The following TMEM278 variants were observed in gnomAD, a reference collection of about 807,000 sequenced individuals.
TMEM278 encodes transmembrane protein 88B.
the TMEM278 span, chr1:1,427,889 C>G: frequency 2.0e-5 from 23 of 1,146,554 alleles, no homozygotes; most frequent in Non-Finnish European, 2.6e-5. Context: ...CTGCCCCTTC[C>G]TGGCTGGGCG....
the TMEM278 span, among the ~76,000 whole-genome samples, chr1:1,426,999 C>A: frequency 3.3e-5 from 5 of 151,260 alleles, no homozygotes; most frequent in Admixed American, 2.0e-4. Flanking sequence ...ACTGCCTGGC[C>A]CACAGCGGCC....
chr1:1,429,461 C>CT, the TMEM278 span, among the ~76,000 whole-genome samples: 1 of 151,944 alleles, frequency 6.6e-6, no homozygotes, highest in Non-Finnish European at 1.5e-5. Flanking sequence ...ACAGTTTCCA[C>CT]TTCTTAAACA....
the TMEM278 span, chr1:1,426,198 T>C: frequency 7.1e-7 from 1 of 1,416,230 alleles, no homozygotes; most frequent in South Asian, 1.5e-5. Flanking sequence ...GCGCCCATGC[T>C]GCCCCGGGGA....
the TMEM278 span, chr1:1,427,719 G>A: frequency 9.0e-5 from 118 of 1,317,230 alleles, no homozygotes; most frequent in Non-Finnish European, 1.7e-5. Flanking sequence ...TCCGCCCGCT[G>A]GGACCCCCGG....
the TMEM278 span, among the ~76,000 whole-genome samples, chr1:1,428,492 C>T: frequency 1.2e-4 from 18 of 152,128 alleles, no homozygotes; most frequent in African/African-American, 2.4e-4. Flanking sequence ...GTCTCACCAG[C>T]GCGTCCTAGC....
chr1:1,427,223 GCTCT>G, the TMEM278 span, among the ~76,000 whole-genome samples: 3 of 106,968 alleles, frequency 2.8e-5, no homozygotes, highest in African/African-American at 1.1e-4. Flanking sequence ...CCTCCACCCC[GCTCT>G]CTCTCCCCTC....
chr1:1,426,386 G>A, the TMEM278 span: 1 of 1,395,134 alleles, frequency 7.2e-7, no homozygotes, highest in Non-Finnish European at 9.3e-7. Context: ...CCACTCGAGG[G>A]TGAGCCTGTG....
the TMEM278 span, among the ~76,000 whole-genome samples, chr1:1,428,131 A>C: frequency 1.7e-5 from 1 of 60,344 alleles, no homozygotes; most frequent in African/African-American, 7.6e-5. Flanking sequence ...AGGGGAGGGG[A>C]GGGGAGGGGA....
chr1:1,427,857 G>T, the TMEM278 span: 4 of 1,286,160 alleles, frequency 3.1e-6, no homozygotes, highest in East Asian at 1.4e-4. Context: ...GGCCCGGCCC[G>T]GAAAACTGAG....
At chr1:1,426,160 G>A in the TMEM278 span, 33 of 1,414,888 alleles carry the variant, frequency 2.3e-5, no homozygotes, top group South Asian at 4.5e-4. Context: ...CGGAGGAGGA[G>A]GAGGGGGGAG....
chr1:1,426,473 G>C, the TMEM278 span: 8 of 1,146,458 alleles, frequency 7.0e-6, no homozygotes, highest in South Asian at 6.7e-5. Flanking sequence ...CCCCCTTCCA[G>C]AATTGCCCCT....
the TMEM278 span, among the ~76,000 whole-genome samples, chr1:1,426,675 C>T: frequency 3.3e-5 from 5 of 152,068 alleles, no homozygotes; most frequent in Non-Finnish European, 5.9e-5. Flanking sequence ...AACGGGGTTC[C>T]AGGAAAAGAA....
At chr1:1,426,108 A>T in the TMEM278 span, 10 of 1,373,516 alleles carry the variant, frequency 7.3e-6, no homozygotes, top group Non-Finnish European at 9.5e-6. Context: ...CCCGGGCCAC[A>T]GGCCTGCAGT....
chr1:1,426,879 G>A, the TMEM278 span, among the ~76,000 whole-genome samples: 28 of 152,050 alleles, frequency 1.8e-4, no homozygotes, highest in East Asian at 4.3e-3. Context: ...GGCGCAGGAG[G>A]GCAGAAGCGG....
chr1:1,427,754 C>T, the TMEM278 span: 1 of 1,316,844 alleles, frequency 7.6e-7, no homozygotes, highest in Non-Finnish European at 9.7e-7. Flanking sequence ...CGGGGCGCCC[C>T]GACGAGGACG....
the TMEM278 span, chr1:1,427,644 C>T: frequency 1.5e-6 from 2 of 1,346,214 alleles, no homozygotes; most frequent in Non-Finnish European, 1.9e-6. Flanking sequence ...CTCGCTGCCG[C>T]CGCTGCTGGT....
At chr1:1,427,026 C>T in the TMEM278 span, among the ~76,000 whole-genome samples, 2 of 147,454 alleles carry the variant, frequency 1.4e-5, no homozygotes, top group Middle Eastern at 3.5e-3. Flanking sequence ...CTCCCCTCTC[C>T]CCGCCCTGCC....
chr1:1,429,825 A>G, the TMEM278 span, among the ~76,000 whole-genome samples: 1 of 151,966 alleles, frequency 6.6e-6, no homozygotes, highest in Admixed American at 6.6e-5. Flanking sequence ...TGCTTTCCCA[A>G]CCACTTCCCT....
chr1:1,426,169 A>G, the TMEM278 span: 3 of 1,411,496 alleles, frequency 2.1e-6, no homozygotes, highest in Non-Finnish European at 1.9e-6. Context: ...AGGAGGGGGG[A>G]GGTGGTGCTT....
Sources: gnomAD v4.1 joint callset for allele counts (sites outside exome capture counted in the v4.1 genomes callset) on GRCh38, gnomAD v4.1.1 for gene constraint, MANE v1.5 for transcripts, NCBI Gene and HGNC (gene_info 2026-07-23, HGNC 2026-07-21) for gene names.